Variants in PLEKHA7 observed in about 807,000 individuals in gnomAD.
PLEKHA7 encodes the protein pleckstrin homology domain containing A7.
Under a neutral mutation model 170.0 loss-of-function variants are expected in PLEKHA7, and 104 were observed. The ratio of observed to expected loss-of-function variants is 0.61; its 90% CI spans 0.52 to 0.72. PLEKHA7 has a LOEUF of 0.72. Among genes scored for constraint, PLEKHA7 ranks in the 30% least tolerant of loss-of-function variants. PLEKHA7 has a pLI of 0.00. For synonymous variants in PLEKHA7, 648 were observed against 660.8 expected (o/e 0.98, Z 0.30); for missense variants, 1,615 against 1,671.7 (o/e 0.97, Z 0.59).
At chr11:16,810,124 G>A (rs950670698) in intron 13 of PLEKHA7, among the ~76,000 whole-genome samples, 9 of 152,224 alleles carry the variant, frequency 5.9e-5, no homozygotes, top group South Asian at 4.1e-4. Context: ...GCTGAGCCCC[G>A]GGAATGGGGC....
chr11:16,920,313 T>C (rs936475121), intron 3 of PLEKHA7, among the ~76,000 whole-genome samples: 1 of 152,284 alleles, frequency 6.6e-6, no homozygotes, highest in Admixed American at 6.5e-5. Flanking sequence ...TCACCTGAAT[T>C]TGTAGAGAAT....
intron 3 of PLEKHA7, among the ~76,000 whole-genome samples, chr11:16,938,917 G>T (rs1402623105): frequency 1.3e-5 from 2 of 152,132 alleles, no homozygotes; most frequent in Non-Finnish European, 2.9e-5. Flanking sequence ...GTCCTTGCTT[G>T]AATAAAGCTT....
chr11:16,909,883 C>A (rs919630563), intron 3 of PLEKHA7, among the ~76,000 whole-genome samples: 1 of 152,070 alleles, frequency 6.6e-6, no homozygotes, highest in South Asian at 2.1e-4. Context: ...GACAGCCCTT[C>A]GGAAACCTCA....
chr11:16,836,769 T>C (rs964951227), intron 9 of PLEKHA7, among the ~76,000 whole-genome samples: 38 of 152,108 alleles, frequency 2.5e-4, no homozygotes, highest in Non-Finnish European at 5.3e-4. Context: ...AAAACTTGTG[T>C]TTTTTATTTT....
At position 16,803,092 on chromosome 11, in the gene PLEKHA7, G is replaced by C. The variant is rs753419654; in HGVS notation, c.2077-40C>G. ...AGGTGGAGAGGGCCTGGGGTGATGA[G>C]AAAAGGACATGACCTTGGGATTGCA... On this transcript the variant is annotated intron_variant, in intron 14 of 26. Transcript: ENST00000531066. 3.0e-5 allele frequency: 48 copies of C among 1,580,832 alleles called. No individual in the cohort carries two copies. The Middle Eastern group carries it at 8.4e-4, about 28-fold the overall frequency.
Position 16,816,209 on chromosome 11 carries a change from G to A in PLEKHA7, c.1922C>T (p.Thr641Ile). 6.2e-7 allele frequency: 1 copy of A among 1,613,928 alleles called. No homozygotes were observed. Among genetic ancestry groups the A allele is most frequent in the East Asian group, 2.2e-5 (1 of 44,882 alleles). The change falls in exon 12 of 27, where the codon ACC becomes ATC. Residue 641 changes from threonine to isoleucine, a missense_variant. Thr to Ile is a moderately conservative substitution (Grantham distance 89). Transcript: ENST00000531066. ...SMPSMGYMTH[T>I]VSAPSLHGKS... ...TCCATGTAAACTGGGAGCGCTGACG[G>A]TGTGGGTCATGTAACCCATGGAGGG...
At chr11:16,899,619 T>C (rs1857204674) in intron 3 of PLEKHA7, among the ~76,000 whole-genome samples, 1 of 152,176 alleles carries the variant, frequency 6.6e-6, no homozygotes, top group Non-Finnish European at 1.5e-5. Context: ...GAATGAGGCC[T>C]GGGAAAGGGA....
At position 16,940,175 on chromosome 11, in the gene PLEKHA7, T is replaced by C. The variant is rs185069679; in HGVS notation, c.222-68993A>G. ...CCACTTGTGTCTTCTCAGCCCTGTG[T>C]CTCTGGCCCCTAGCACAGTGGCTGG... is the stretch of plus-strand genomic sequence containing the variant. On this transcript the variant is annotated intron_variant, in intron 3 of 26. Transcript: ENST00000531066. Among the ~76,000 whole-genome samples the C allele has an allele frequency of 2.0e-5, 3 of 152,242 alleles. No individual in the cohort carries two copies. In the East Asian group the frequency reaches 5.8e-4, roughly 29 times the overall value.
intron 3 of PLEKHA7, among the ~76,000 whole-genome samples, chr11:16,931,704 G>A (rs1298598404): frequency 1.3e-5 from 2 of 150,900 alleles, no homozygotes; most frequent in Admixed American, 6.6e-5. Flanking sequence ...GCAGTGAGCC[G>A]AGATTGTACA....
At chr11:16,804,167 C>T (rs527812124) in intron 13 of PLEKHA7, among the ~76,000 whole-genome samples, 1 of 152,154 alleles carries the variant, frequency 6.6e-6, no homozygotes, top group African/African-American at 2.4e-5. Flanking sequence ...GATGCACCCT[C>T]CCATGGCCAA....
Position 16,817,360 on chromosome 11 carries a change from C to T in PLEKHA7, c.1344-38G>A, listed in dbSNP as rs181372040. 125 of 1,557,252 alleles carry T rather than the reference C, an allele frequency of 8.0e-5. No individual in the cohort carries two copies. The highest frequency in any genetic ancestry group is 9.5e-5 in the Non-Finnish European group (110 of 1,153,302). On this transcript the variant is annotated intron_variant, in intron 10 of 26. Coordinates refer to ENST00000531066, the MANE Select transcript of PLEKHA7 (RefSeq NM_001329630.2). The surrounding 1 kb of genome is among the most constrained non-coding windows in gnomAD (Gnocchi z 4.4). The stretch of plus-strand genomic sequence containing the variant: ...GGTAAGAACGGGTCAGGCAACCAAG[C>T]GAGGGTTCTGCAGGCTTTGGGGAAC...
At chr11:17,005,151 G>A (rs1334482389) in intron 3 of PLEKHA7, among the ~76,000 whole-genome samples, 4 of 152,156 alleles carry the variant, frequency 2.6e-5, no homozygotes, top group African/African-American at 4.8e-5. Context: ...CCCTGCCCCT[G>A]CACACGTTTC....
At chr11:16,870,982 C>A in intron 4 of PLEKHA7, 117 bp downstream of exon 4, 3 of 674,784 alleles carry the variant, frequency 4.4e-6, no homozygotes, top group East Asian at 3.1e-5. Context: ...ATCAACCAAC[C>A]CACTCACCCC....
intron 8 of PLEKHA7, among the ~76,000 whole-genome samples, chr11:16,844,450 G>A (rs1852223490): frequency 6.6e-6 from 1 of 152,168 alleles, no homozygotes; most frequent in Middle Eastern, 3.2e-3. Context: ...AAAGTACAGG[G>A]AGTTTTCTTT....
chr11:16,791,092 T>C lies in PLEKHA7; in HGVS notation c.2853A>G (p.Thr951=). The C allele has an allele frequency of 6.2e-7, 1 of 1,614,106 alleles. No homozygotes were observed. The highest frequency in any genetic ancestry group is 8.5e-7 in the Non-Finnish European group (1 of 1,180,020). Residue 951 remains threonine (T), a synonymous_variant, in exon 20 of 27, where the codon ACA becomes ACG. Transcript: ENST00000531066. This position sits in a 1 kb window ranked among gnomAD's most constrained non-coding sequence, Gnocchi z 4.5. ...ACTGCCGCTTGAGGCCCCGCACAGATGTGTGCCGGATGATGGTGGCCTCTC... is the reference window on the plus strand; with the variant it reads ...ACTGCCGCTTGAGGCCCCGCACAGACGTGTGCCGGATGATGGTGGCCTCTC... ...LPREATIIRH[T]SVRGLKRQSD...
intron 3 of PLEKHA7, among the ~76,000 whole-genome samples, chr11:16,887,404 T>TG (rs1366924020): frequency 2.9e-4 from 30 of 105,100 alleles, no homozygotes; most frequent in African/African-American, 8.9e-4. Context: ...CCCCACGGTC[T>TG]CCCTCTCCCT....
At chr11:16,992,982 A>T (rs1864134811) in intron 3 of PLEKHA7, among the ~76,000 whole-genome samples, 1 of 152,092 alleles carries the variant, frequency 6.6e-6, no homozygotes, top group Non-Finnish European at 1.5e-5. Flanking sequence ...GTGATATTTG[A>T]CGTGCTCTGA....
intron 3 of PLEKHA7, among the ~76,000 whole-genome samples, chr11:16,984,531 T>TGTCC (rs1478540080): frequency 6.6e-6 from 1 of 152,150 alleles, no homozygotes; most frequent in Non-Finnish European, 1.5e-5. Flanking sequence ...CGTCATGGCA[T>TGTCC]GTCCTGCCCC....
chr11:16,820,521 G>A (rs564153802), intron 10 of PLEKHA7, among the ~76,000 whole-genome samples: 94 of 152,310 alleles, frequency 6.2e-4, no homozygotes, highest in African/African-American at 2.1e-3. Flanking sequence ...CTCTGAGACG[G>A]GGCAGTGCCT....
Sources: gnomAD v4.1 joint callset for allele counts (sites outside exome capture counted in the v4.1 genomes callset) on GRCh38, gnomAD v4.1.1 for gene constraint, Gnocchi (gnomAD v3.1) non-coding constraint, MANE v1.5 for transcripts, NCBI Gene and HGNC (gene_info 2026-07-23, HGNC 2026-07-21) for gene names.